The following STPG2 variants were observed in gnomAD, a reference collection of about 807,000 sequenced individuals.
STPG2 encodes the protein sperm-tail PG-rich repeat-containing protein 2.
STPG2 carries 56 observed loss-of-function variants against 54.2 expected under a neutral mutation model. The ratio of observed to expected loss-of-function variants is 1.03; its 90% CI spans 0.83 to 1.29. The LOEUF (loss-of-function observed/expected upper bound fraction) is 1.29. Ranked by LOEUF, STPG2 falls within the 50% of genes most tolerant of loss-of-function variation. The probability of loss-of-function intolerance (pLI) is 0.00; values close to 1 mark genes in which losing one functional copy is unlikely to be tolerated. For synonymous variants in STPG2, 200 were observed against 181.8 expected, an observed-to-expected ratio of 1.10 and a Z score of -0.81; for missense variants, 596 against 544.9, an observed-to-expected ratio of 1.09 and a Z score of -0.93.
Position 98,086,456 on chromosome 4 carries a change from C to T in STPG2, c.612+19497G>A, listed in dbSNP as rs1738515518. Among the ~76,000 whole-genome samples, 5 of 152,004 alleles carry T rather than the reference C, an allele frequency of 3.3e-5. No individual in the cohort carries two copies. In the South Asian group the frequency reaches 8.3e-4, roughly 25 times the overall value. On this transcript the variant is annotated intron_variant, in intron 5 of 10. Transcript: ENST00000295268. Reference sequence around the variant, plus strand: ...ACTCTGCTTCATATATATAAATGTACATATAATAAGATTTAGCAAATTTTA... The same window carrying T: ...ACTCTGCTTCATATATATAAATGTATATATAATAAGATTTAGCAAATTTTA...
intron 8 of STPG2, among the ~76,000 whole-genome samples, chr4:97,940,813 C>G (rs1299516793): frequency 6.6e-6 from 1 of 152,128 alleles, no homozygotes; most frequent in Non-Finnish European, 1.5e-5. Flanking sequence ...AATTTTATGT[C>G]ATCAAACTCC....
chr4:97,753,538 T>C (rs997685488), intron 9 of STPG2, among the ~76,000 whole-genome samples: 6 of 152,042 alleles, frequency 3.9e-5, no homozygotes, highest in African/African-American at 9.7e-5. Flanking sequence ...TATACAAATA[T>C]CTATTTGAGC....
chr4:97,730,535 G>C (rs932771894), intron 9 of STPG2, among the ~76,000 whole-genome samples: 1 of 152,026 alleles, frequency 6.6e-6, no homozygotes, highest in Admixed American at 6.6e-5. Flanking sequence ...GGGATTGCTG[G>C]GTTAAATGGT....
At chr4:97,901,694 A>G (rs1731182613) in intron 8 of STPG2, among the ~76,000 whole-genome samples, 1 of 151,960 alleles carries the variant, frequency 6.6e-6, no homozygotes, top group African/African-American at 2.4e-5. Flanking sequence ...ATGAAAAGAT[A>G]CCCTATATTC....
At chr4:97,937,098 C>T (rs1732771076) in intron 8 of STPG2, among the ~76,000 whole-genome samples, 1 of 151,922 alleles carries the variant, frequency 6.6e-6, no homozygotes, top group Admixed American at 6.6e-5. Context: ...TTTCTCTAAA[C>T]TTGTCTGCCT....
At chr4:97,831,370 G>A (rs1321767135) in intron 9 of STPG2, among the ~76,000 whole-genome samples, 1 of 152,140 alleles carries the variant, frequency 6.6e-6, no homozygotes, top group African/African-American at 2.4e-5. Context: ...CATATTTAAA[G>A]CAGTGTGTAG....
chr4:97,460,492 T>G (rs999790097), intron 4 of STPG2, among the ~76,000 whole-genome samples: 1 of 152,110 alleles, frequency 6.6e-6, no homozygotes, highest in Non-Finnish European at 1.5e-5. Context: ...TGGGACAATC[T>G]CAACTAAGAT....
At chr4:97,485,412 C>T (rs1578335349) in intron 4 of STPG2, among the ~76,000 whole-genome samples, 1 of 151,870 alleles carries the variant, frequency 6.6e-6, no homozygotes. Context: ...TATACACCAA[C>T]AGCGGCCAAG....
At chr4:97,549,147 A>G (rs1227076047) in intron 4 of STPG2, among the ~76,000 whole-genome samples, 3 of 150,144 alleles carry the variant, frequency 2.0e-5, no homozygotes, top group Non-Finnish European at 4.4e-5. Context: ...CTATTTACCA[A>G]CTTGTGGCCT....
At chr4:97,540,382 G>T (rs577313864) in intron 4 of STPG2, among the ~76,000 whole-genome samples, 5 of 152,062 alleles carry the variant, frequency 3.3e-5, no homozygotes, top group Non-Finnish European at 7.4e-5. Flanking sequence ...TAGAAGAAAT[G>T]GATAAATTCC....
At chr4:97,973,855 C>T (rs1372465503) in intron 6 of STPG2, among the ~76,000 whole-genome samples, 1 of 152,210 alleles carries the variant, frequency 6.6e-6, no homozygotes, top group Non-Finnish European at 1.5e-5. Flanking sequence ...TATGGAGAAC[C>T]TCTGCTAGGG....
intron 6 of STPG2, among the ~76,000 whole-genome samples, chr4:97,975,216 G>C (rs1734460737): frequency 6.6e-6 from 1 of 152,106 alleles, no homozygotes; most frequent in South Asian, 2.1e-4. Context: ...AATTCTGATT[G>C]CCTGACTACA....
At chr4:98,035,581 C>T (rs958496560) in intron 5 of STPG2, among the ~76,000 whole-genome samples, 2 of 152,168 alleles carry the variant, frequency 1.3e-5, no homozygotes, top group Non-Finnish European at 2.9e-5. Flanking sequence ...TTTGACCCAG[C>T]AATCCAGTTA....
At chr4:98,072,598 TAAAATAAAATAAAATAAAAC>T (rs879569448) in intron 5 of STPG2, among the ~76,000 whole-genome samples, 1,646 of 151,206 alleles carry the variant, frequency 0.011, 17 homozygotes, top group South Asian at 0.026. Flanking sequence ...TAAAATAAAA[TAAAATAAAATAAAATAAAAC>T]AAAACAAGAG....
chr4:97,640,079 A>G (rs965306263), intron 10 of STPG2, among the ~76,000 whole-genome samples: 1 of 152,094 alleles, frequency 6.6e-6, no homozygotes, highest in Non-Finnish European at 1.5e-5. Flanking sequence ...TGGGCTTAGT[A>G]GGAAATCTAA....
At chr4:98,022,252 T>G (rs1390494515) in intron 5 of STPG2, among the ~76,000 whole-genome samples, 28 of 150,060 alleles carry the variant, frequency 1.9e-4, no homozygotes, top group South Asian at 2.1e-4. Flanking sequence ...GTCTGTAAAG[T>G]ATTTTATTTC....
At chr4:97,961,661 C>A (rs532898577) in intron 7 of STPG2, among the ~76,000 whole-genome samples, 7 of 152,152 alleles carry the variant, frequency 4.6e-5, no homozygotes, top group Admixed American at 3.3e-4. Context: ...AATGTGATAC[C>A]ACCTTACTCC....
intron 9 of STPG2, among the ~76,000 whole-genome samples, chr4:97,729,063 T>TTCCCTCTCTCTCTCTCTCTCTCTC (rs1724711530): frequency 2.4e-5 from 3 of 124,924 alleles, no homozygotes; most frequent in African/African-American, 8.5e-5. Flanking sequence ...CCCCAAGAAT[T>TTCCCTCTCTCTCTCTCTCTCTCTC]TCTCTCTCTC....
chr4:97,643,222 A>G (rs2148947111), intron 10 of STPG2, among the ~76,000 whole-genome samples: 1 of 151,714 alleles, frequency 6.6e-6, no homozygotes, highest in Non-Finnish European at 1.5e-5. Context: ...AGGTTGTTCA[A>G]TTTCAGTGAA....
Sources: allele counts gnomAD v4.1 joint callset (sites outside exome capture counted in the v4.1 genomes callset), GRCh38; gene constraint gnomAD v4.1.1; transcripts MANE v1.5; gene names NCBI Gene and HGNC (gene_info 2026-07-23, HGNC 2026-07-21).